NIN: variants seen among roughly 807,000 people sequenced by gnomAD.
NIN encodes the protein glycogen synthase kinase 3 beta-interacting protein.
In NIN, 137 loss-of-function variants were observed where a neutral mutation model predicts 257.6. That is an observed-to-expected ratio of 0.53 (90% CI 0.46 to 0.61). The LOEUF (loss-of-function observed/expected upper bound fraction) is 0.61, where lower values mean the gene tolerates loss of function less well. Among genes scored for constraint, NIN ranks in the 20% least tolerant of loss-of-function variants. The pLI, the probability that NIN is intolerant of heterozygous loss-of-function variation, is 0.00. For missense variants in NIN, 2,439 were observed against 2,501.2 expected (o/e 0.98, Z 0.53); for synonymous variants, 918 against 919.8 (o/e 1.00, Z 0.04).
chr14:50,767,603 G>A (rs1317489062), intron 12 of NIN, among the ~76,000 whole-genome samples: 1 of 152,154 alleles, frequency 6.6e-6, no homozygotes, highest in Admixed American at 6.5e-5. Flanking sequence ...GGATCATGAG[G>A]TCAGGAGATC....
At chr14:50,726,381 A>G (rs997631721) in intron 29 of NIN, 3 of 250,588 alleles carry the variant, frequency 1.2e-5, no homozygotes, top group Non-Finnish European at 2.3e-5. Flanking sequence ...ATGGACATCC[A>G]AGGTAACTTG....
intron 29 of NIN, chr14:50,727,320 G>T (rs1000331430): frequency 2.0e-6 from 2 of 986,872 alleles, no homozygotes; most frequent in Non-Finnish European, 2.4e-6. Context: ...AAATACCCCT[G>T]GTTTTCTTCA....
In NIN at chr14:50,760,111, C is replaced by A; in HGVS notation, c.2145G>T (p.Leu715=). Reference sequence around the variant, plus strand: ...CATGTTGCAGCCTCAGCTTCTCCTGCAGGTGAGTCTTTTCCTCCTCAAGCT... The same window carrying A: ...CATGTTGCAGCCTCAGCTTCTCCTGAAGGTGAGTCTTTTCCTCCTCAAGCT... ...QVKLEEEKTH[L]QEKLRLQHEM... is the part of the protein sequence containing the mutation. Residue 715 remains leucine (L), a synonymous_variant, in exon 17 of 31, where the codon CTG becomes CTT. Coordinates refer to ENST00000530997, the MANE Select transcript of NIN (RefSeq NM_020921.4). The A allele has an allele frequency of 6.2e-7, 1 of 1,614,214 alleles. No individual in the cohort carries two copies. The highest frequency in any genetic ancestry group is 8.5e-7 in the Non-Finnish European group (1 of 1,180,046).
At position 50,720,365 on chromosome 14, in the gene NIN, A is replaced by C. The variant is rs1489719220; in HGVS notation, c.*3098T>G. 4.6e-6 allele frequency: 1 copy of C among 217,408 alleles called. No homozygotes were observed. The highest frequency in any genetic ancestry group is 9.2e-6 in the Non-Finnish European group (1 of 108,234). The allele number at this position is 217,408 out of a possible 1,614,324, so 13.5% of individuals were successfully genotyped here. On this transcript the variant is annotated 3_prime_UTR_variant, in exon 31 of 31. Coordinates refer to ENST00000530997, the MANE Select transcript of NIN (RefSeq NM_020921.4). ...CAACAATTTCTCCTTTCCTTCACTC[A>C]GCAAAAGAAATCACATAAATCACAA...
At chr14:50,733,912 G>C (rs1247714252) in intron 28 of NIN, among the ~76,000 whole-genome samples, 1 of 152,102 alleles carries the variant, frequency 6.6e-6, no homozygotes, top group African/African-American at 2.4e-5. Context: ...TGATAAATCA[G>C]AGAACACAAA....
At position 50,733,375 on chromosome 14, in the gene NIN, G is replaced by T. The variant is rs190387613; in HGVS notation, c.5877+2141C>A. 2.8e-3 allele frequency among the ~76,000 whole-genome samples: 425 copies of T among 152,322 alleles called. 1 individual carries two copies. Among genetic ancestry groups the T allele is most frequent in the Non-Finnish European group, 5.1e-3 (347 of 68,026 alleles). On this transcript the variant is annotated intron_variant, in intron 28 of 30. Coordinates refer to ENST00000530997, the MANE Select transcript of NIN (RefSeq NM_020921.4). ...CAAAGTGCTGGGATTATAGGCATGA[G>T]CCACTGTGCCTGGCCAATAATTCAG...
At chr14:50,736,419 G>A (rs1446057613) in intron 27 of NIN, among the ~76,000 whole-genome samples, 1 of 152,092 alleles carries the variant, frequency 6.6e-6, no homozygotes, top group Non-Finnish European at 1.5e-5. Context: ...TTACAGGCAT[G>A]AGCCACCGCG....
At chr14:50,751,459 G>C (rs2041785180) in intron 21 of NIN, among the ~76,000 whole-genome samples, 2 of 148,500 alleles carry the variant, frequency 1.3e-5, no homozygotes, top group South Asian at 2.1e-4. Context: ...TAAAATTGAT[G>C]CCAGTCTTAT....
intron 2 of NIN, among the ~76,000 whole-genome samples, chr14:50,830,006 T>C (rs912408694): frequency 3.9e-5 from 6 of 152,172 alleles, no homozygotes; most frequent in Admixed American, 1.3e-4. Context: ...TGGGAAACTG[T>C]TTACGCGCAT....
At chr14:50,726,100 A>G (rs752913088) in intron 29 of NIN, 34 bp from the exon 30 acceptor site, 1 of 1,515,780 alleles carries the variant, frequency 6.6e-7, no homozygotes, top group Non-Finnish European at 9.1e-7. Context: ...TTCGAAAATC[A>G]TGTCACACTG....
At chr14:50,785,724 G>T (rs183682188) in intron 5 of NIN, among the ~76,000 whole-genome samples, 1 of 152,352 alleles carries the variant, frequency 6.6e-6, no homozygotes, top group East Asian at 1.9e-4. Flanking sequence ...TTCACTAACA[G>T]TCCTAAGTAT....
rs1408905969 is a variant in NIN, at chr14:50,770,480, C to A, written c.1342G>T (p.Ala448Ser). The A allele has an allele frequency of 1.2e-6, 2 of 1,614,084 alleles. No individual in the cohort carries two copies. The highest frequency in any genetic ancestry group is 2.2e-5 in the East Asian group (1 of 44,900). Residue 448 changes from alanine (A) to serine (S), a missense_variant, in exon 12 of 31, where the codon GCA becomes TCA. Transcript: ENST00000530997. ...TCAAGTTCTAAACGCTGCTTGCCTGCCTGCTGCAGGATCTGCTCTCTCTCT... is the reference window on the plus strand; with the variant it reads ...TCAAGTTCTAAACGCTGCTTGCCTGACTGCTGCAGGATCTGCTCTCTCTCT... ...RKEREQILQQ[A>S]GKQRLELEQE...
At chr14:50,740,435 C>A (rs11626470) in intron 25 of NIN, among the ~76,000 whole-genome samples, 2 of 151,492 alleles carry the variant, frequency 1.3e-5, no homozygotes, top group Admixed American at 1.3e-4. Flanking sequence ...TGCAACCTAG[C>A]CCTCCCGGGT....
chr14:50,809,726 T>G (rs894172736), intron 3 of NIN, among the ~76,000 whole-genome samples: 1 of 152,202 alleles, frequency 6.6e-6, no homozygotes, highest in Non-Finnish European at 1.5e-5. Flanking sequence ...GACAAAGACA[T>G]CTATAATCTG....
At position 50,733,202 on chromosome 14, in the gene NIN, C is replaced by T. The variant is rs376444405; in HGVS notation, c.5877+2314G>A. ...CCGCCTCCCGGGTTCAAGCGATTCT[C>T]CTGCCTCAGCCTCCTGAGTAGCTGG... On this transcript the variant is annotated intron_variant, in intron 28 of 30. Coordinates refer to ENST00000530997, the MANE Select transcript of NIN (RefSeq NM_020921.4). Among the ~76,000 whole-genome samples, 44 of 150,776 alleles carry T rather than the reference C, an allele frequency of 2.9e-4. No homozygotes were observed. In the East Asian group the frequency reaches 6.7e-3, roughly 23 times the overall value.
At chr14:50,741,773 G>T in intron 24 of NIN, 45 bp from the exon 25 acceptor site, 1 of 1,599,394 alleles carries the variant, frequency 6.3e-7, no homozygotes. Flanking sequence ...AACTCTTGTG[G>T]TCTCACCTCT....
At chr14:50,735,841 G>A (rs1220697323) in intron 27 of NIN, among the ~76,000 whole-genome samples, 1 of 152,106 alleles carries the variant, frequency 6.6e-6, no homozygotes, top group Admixed American at 6.6e-5. Flanking sequence ...AAGGCAGCTG[G>A]CTTTTAAACT....
At position 50,723,443 on chromosome 14, in the gene NIN, G is replaced by C. The variant is rs1205115509; in HGVS notation, c.*20C>G. 3 of 1,598,342 alleles carry C rather than the reference G, an allele frequency of 1.9e-6. No individual in the cohort carries two copies. In the South Asian group the frequency reaches 3.3e-5, roughly 18 times the overall value. On this transcript the variant is annotated 3_prime_UTR_variant, in exon 31 of 31. Coordinates refer to ENST00000530997, the MANE Select transcript of NIN (RefSeq NM_020921.4). Reference sequence around the variant, plus strand: ...CTATTTCAGTAAAGTGCACAAATATGAGTGTACCCTTTGGTTTGGCTATGA... The same window carrying C: ...CTATTTCAGTAAAGTGCACAAATATCAGTGTACCCTTTGGTTTGGCTATGA...
At chr14:50,800,993 A>G (rs750594633) in intron 4 of NIN, among the ~76,000 whole-genome samples, 21 of 150,256 alleles carry the variant, frequency 1.4e-4, no homozygotes, top group Non-Finnish European at 2.7e-4. Context: ...CATGTTGGTC[A>G]TGCTGGTCTT....
Sources: allele counts gnomAD v4.1 joint callset (sites outside exome capture counted in the v4.1 genomes callset), GRCh38; gene constraint gnomAD v4.1.1; transcripts MANE v1.5; gene names NCBI Gene and HGNC (gene_info 2026-07-23, HGNC 2026-07-21).